Variants in CLVS2 observed in about 807,000 individuals in gnomAD.
CLVS2 encodes the protein clavesin-2.
A neutral mutation model predicts 29.0 loss-of-function variants in CLVS2; 19 were observed. The observed-to-expected ratio is 0.66, with a 90% CI of 0.46 to 0.96. The LOEUF is 0.96. Ranked by LOEUF, CLVS2 falls within the 40% of genes least tolerant of loss-of-function variation. The probability of loss-of-function intolerance (pLI) is 0.00; values close to 1 mark genes in which losing one functional copy is unlikely to be tolerated. For missense variants in CLVS2, 294 were observed against 404.1 expected, an observed-to-expected ratio of 0.73 and a Z score of 2.34; for synonymous variants, 161 against 151.3, an observed-to-expected ratio of 1.06 and a Z score of -0.47.
chr6:123,055,690 A>G lies in CLVS2; in HGVS notation c.676-116A>G, dbSNP rs892201870. 1.8e-5 allele frequency: 13 copies of G among 726,940 alleles called. No homozygotes were observed. The African/African-American group carries it at 2.1e-4, about 12-fold the overall frequency. The allele number at this position is 726,940 out of a possible 1,614,324, so 45.0% of individuals were successfully genotyped here. ...GTAGATGACTGGCTAAAGTACTTTA[A>G]CAGACATGCGAAACTCATATTTGCT... On this transcript the variant is annotated intron_variant, in intron 4 of 5. Coordinates refer to ENST00000275162, the MANE Select transcript of CLVS2 (RefSeq NM_001010852.4).
chr6:123,031,534 A>G (rs1472080651), intron 3 of CLVS2, among the ~76,000 whole-genome samples: 1 of 152,212 alleles, frequency 6.6e-6, no homozygotes, highest in African/African-American at 2.4e-5. Context: ...CACACATACA[A>G]ATAGTAACCA....
chr6:123,069,486 A>G lies in CLVS2; in HGVS notation c.*5725A>G, dbSNP rs938601084. On this transcript the variant is annotated 3_prime_UTR_variant, in exon 6 of 6. Coordinates refer to ENST00000275162, the MANE Select transcript of CLVS2 (RefSeq NM_001010852.4). ...CATCTAATAAGGTATAAGAGACTCA[A>G]TTACATTTACCTAGAACCATCTACA... 17 of 151,842 alleles carry G rather than the reference A, an allele frequency of 1.1e-4. No individual in the cohort carries two copies. Among genetic ancestry groups the G allele is most frequent in the African/African-American group, 3.9e-4 (16 of 41,398 alleles). The allele number at this position is 151,842 out of a possible 1,614,324, so 9.4% of individuals were successfully genotyped here.
rs938807208 is a variant in CLVS2, at chr6:123,069,838, G to A, written c.*6077G>A. ...CACACAGAAACATCATCAAAAACAC[G>A]TACCTCTGAGCATCACTTCTTTCTC... On this transcript the variant is annotated 3_prime_UTR_variant, in exon 6 of 6. Transcript: ENST00000275162. 2 of 151,708 alleles carry A rather than the reference G, an allele frequency of 1.3e-5. No individual in the cohort carries two copies. Among genetic ancestry groups the A allele is most frequent in the African/African-American group, 2.4e-5 (1 of 41,352 alleles). The allele number at this position is 151,708 out of a possible 1,614,324, so 9.4% of individuals were successfully genotyped here.
intron 3 of CLVS2, among the ~76,000 whole-genome samples, chr6:123,042,837 G>A (rs552967200): frequency 2.6e-5 from 4 of 152,262 alleles, no homozygotes; most frequent in African/African-American, 7.2e-5. Context: ...TCTAGAAGAT[G>A]AATAAGACCT....
chr6:123,003,621 T>A (rs943677514), intron 2 of CLVS2, among the ~76,000 whole-genome samples: 1 of 152,184 alleles, frequency 6.6e-6, no homozygotes, highest in Non-Finnish European at 1.5e-5. Context: ...ACATAGCATT[T>A]TAGTAGGTAC....
intron 3 of CLVS2, among the ~76,000 whole-genome samples, chr6:123,018,733 A>G (rs926053386): frequency 2.7e-5 from 4 of 150,164 alleles, no homozygotes; most frequent in Non-Finnish European, 4.4e-5. Context: ...TGGAGAAGCC[A>G]CAGTAAACTC....
In CLVS2 at chr6:123,065,570, AC is replaced by A. The variant is rs1772841620; in HGVS notation, c.*1810del. On this transcript the variant is annotated 3_prime_UTR_variant, in exon 6 of 6. Coordinates refer to ENST00000275162, the MANE Select transcript of CLVS2 (RefSeq NM_001010852.4). Reference sequence around the variant, plus strand: ...TGTCAGGCACTCTGCTCTCCTTGTGACTTTTACAGAGATTGGAATGCACTGG... The same window carrying A: ...TGTCAGGCACTCTGCTCTCCTTGTGATTTTACAGAGATTGGAATGCACTGG... The A allele has an allele frequency of 1.3e-5, 2 of 151,878 alleles. No homozygotes were observed. Among genetic ancestry groups the A allele is most frequent in the South Asian group, 4.1e-4 (2 of 4,832 alleles). 9.4% of individuals were successfully genotyped at this position (151,878 alleles called of 1,614,324 possible).
chr6:123,031,020 C>T (rs1433525233), intron 3 of CLVS2, among the ~76,000 whole-genome samples: 2 of 151,904 alleles, frequency 1.3e-5, no homozygotes, highest in Non-Finnish European at 2.9e-5. Flanking sequence ...GCCGCCTCAA[C>T]CTCCTGGGCT....
chr6:123,003,553 G>C (rs1774621435), intron 2 of CLVS2, among the ~76,000 whole-genome samples: 1 of 150,764 alleles, frequency 6.6e-6, no homozygotes, highest in Non-Finnish European at 1.5e-5. Flanking sequence ...GACAAACTGA[G>C]TGATTAATAT....
intron 3 of CLVS2, among the ~76,000 whole-genome samples, chr6:123,037,406 C>A (rs1240733088): frequency 6.6e-6 from 1 of 152,098 alleles, no homozygotes. Flanking sequence ...GGTTACCCTG[C>A]CAGTACTAAC....
chr6:123,036,106 G>A (rs1321298736), intron 3 of CLVS2, among the ~76,000 whole-genome samples: 1 of 152,142 alleles, frequency 6.6e-6, no homozygotes, highest in Non-Finnish European at 1.5e-5. Context: ...AGCATTGAAT[G>A]CACAATAATG....
intron 3 of CLVS2, among the ~76,000 whole-genome samples, chr6:123,014,825 T>G (rs1203594231): frequency 6.6e-6 from 1 of 152,122 alleles, no homozygotes; most frequent in Admixed American, 6.6e-5. Context: ...ATACACAGAC[T>G]GCAGTCTTTT....
chr6:123,053,236 C>T (rs1413264533), intron 4 of CLVS2, among the ~76,000 whole-genome samples: 1 of 151,966 alleles, frequency 6.6e-6, no homozygotes, highest in Admixed American at 6.6e-5. Context: ...CCCAGCTACT[C>T]GAGAGGCTGA....
Position 122,998,118 on chromosome 6 carries a change from A to G in CLVS2, c.341A>G (p.Tyr114Cys). 1.2e-6 allele frequency: 2 copies of G among 1,613,948 alleles called. No homozygotes were observed. Among genetic ancestry groups the G allele is most frequent in the Middle Eastern group, 1.6e-4 (1 of 6,062 alleles). The change falls in exon 2 of 6, where the codon TAT (tyrosine) becomes TGT (cysteine). Residue 114 changes from tyrosine (Y) to cysteine (C), a missense_variant. By Grantham distance (194) the Tyr-to-Cys change is radical (BLOSUM62 -2). Around this residue, in one of 2 missense-constraint regions of CLVS2, gnomAD observed 212 missense variants for 336.4 expected, o/e 0.63. Coordinates refer to ENST00000275162, the MANE Select transcript of CLVS2 (RefSeq NM_001010852.4). The part of the protein sequence containing the change: ...FPGGLANLDH[Y>C]GRKILVLFAA... ...GGGGGCCTGGCCAATCTGGACCACT[A>G]TGGCAGGAAGATTCTAGTCCTTTTT...
chr6:123,050,839 T>G (rs1282362227), intron 4 of CLVS2, among the ~76,000 whole-genome samples: 3 of 152,194 alleles, frequency 2.0e-5, no homozygotes, highest in Non-Finnish European at 4.4e-5. Context: ...TGAAAAAGAC[T>G]GAAGAGGATC....
chr6:123,032,440 C>T (rs139940368), intron 3 of CLVS2, among the ~76,000 whole-genome samples: 4 of 151,936 alleles, frequency 2.6e-5, no homozygotes, highest in Non-Finnish European at 5.9e-5. Flanking sequence ...GGTAAAATAT[C>T]GAGTAAAAAA....
chr6:123,053,743 G>C (rs1447198443), intron 4 of CLVS2, among the ~76,000 whole-genome samples: 1 of 152,134 alleles, frequency 6.6e-6, no homozygotes, highest in Admixed American at 6.5e-5. Flanking sequence ...GTGTCTGTGT[G>C]GGGGGCGTGG....
intron 2 of CLVS2, among the ~76,000 whole-genome samples, chr6:123,007,536 G>A (rs932051055): frequency 3.3e-5 from 5 of 152,100 alleles, no homozygotes; most frequent in Non-Finnish European, 7.4e-5. Context: ...AATTTCAAGA[G>A]GTATTAGATG....
chr6:123,049,804 T>TGGGGGGG (rs531705671), intron 4 of CLVS2, among the ~76,000 whole-genome samples: 9 of 118,918 alleles, frequency 7.6e-5, no homozygotes, highest in Non-Finnish European at 8.9e-5. Context: ...TGTTGTGGGA[T>TGGGGGGG]GGGGGGCGGG....
Sources: allele counts gnomAD v4.1 joint callset (sites outside exome capture counted in the v4.1 genomes callset), GRCh38; gene constraint gnomAD v4.1.1; regional missense constraint gnomAD v4.1.1; transcripts MANE v1.5; gene names NCBI Gene and HGNC (gene_info 2026-07-23, HGNC 2026-07-21).